The following ALK variants were observed in gnomAD, a reference collection of about 807,000 sequenced individuals.
ALK encodes ALK receptor tyrosine kinase.
In ALK, 74 loss-of-function variants were observed where a neutral mutation model predicts 163.1. That is an observed-to-expected ratio of 0.45 (90% confidence interval 0.38 to 0.55). The LOEUF is 0.55. Ranked by LOEUF, ALK falls within the 20% of genes least tolerant of loss-of-function variation. ALK has a pLI of 0.00. For synonymous variants in ALK, 960 were observed against 843.2 expected, an observed-to-expected ratio of 1.14 and a Z score of -2.40; for missense variants, 2,063 against 2,105.3, an observed-to-expected ratio of 0.98 and a Z score of 0.39.
chr2:29,251,047 C>G (rs2148197054), intron 12 of ALK, 58 bp downstream of exon 12: 1 of 1,580,736 alleles, frequency 6.3e-7, no homozygotes, highest in African/African-American at 1.3e-5. Context: ...ATAGGCAAGA[C>G]TCCAGGCTTC....
At chr2:29,867,779 T>C (rs1666474298) in intron 1 of ALK, among the ~76,000 whole-genome samples, 1 of 152,196 alleles carries the variant, frequency 6.6e-6, no homozygotes, top group South Asian at 2.1e-4. Context: ...TTCAGTTTCC[T>C]CATCTGCAAA....
intron 9 of ALK, among the ~76,000 whole-genome samples, chr2:29,293,045 G>C (rs1666080109): frequency 6.6e-6 from 1 of 152,298 alleles, no homozygotes. Flanking sequence ...TGTGACCAGA[G>C]ACAAAGAAAG....
Position 29,680,132 on chromosome 2 carries a change from A to T in ALK, c.952+14718T>A, listed in dbSNP as rs548947984. On this transcript the variant is annotated intron_variant, in intron 3 of 28. Coordinates refer to ENST00000389048, the MANE Select transcript of ALK (RefSeq NM_004304.5). ...TTAAGATCTTTGGTGGCATTTAACAATATGATGATGATATGTCTAGATGTA... is the reference window on the plus strand; with the variant it reads ...TTAAGATCTTTGGTGGCATTTAACATTATGATGATGATATGTCTAGATGTA... Among the ~76,000 whole-genome samples, 238 of 152,026 alleles carry T rather than the reference A, an allele frequency of 1.6e-3. 1 individual carries two copies. Among genetic ancestry groups the T allele is most frequent in the Non-Finnish European group, 5.0e-4 (34 of 67,880 alleles).
intron 3 of ALK, among the ~76,000 whole-genome samples, chr2:29,639,906 T>A (rs1676651236): frequency 6.6e-6 from 1 of 152,164 alleles, no homozygotes; most frequent in African/African-American, 2.4e-5. Context: ...CCACATATCC[T>A]CCCAGAGTAA....
chr2:29,472,695 C>G (rs368545873), intron 4 of ALK, among the ~76,000 whole-genome samples: 140 of 152,166 alleles, frequency 9.2e-4, no homozygotes, highest in African/African-American at 3.3e-3. Context: ...ACAGTCAATA[C>G]TGTATACAAC....
At chr2:29,239,531 G>T in intron 13 of ALK, 149 bp downstream of exon 13, 1 of 1,013,078 alleles carries the variant, frequency 9.9e-7, no homozygotes, top group Non-Finnish European at 1.5e-6. Context: ...GGTGCTGGGA[G>T]TTTGCAAAGC....
Position 29,571,602 on chromosome 2 carries a change from C to CTTTTTTTTTTTTTTTTTTTTTTTTT in ALK, c.953-39511_953-39487dup, listed in dbSNP as rs60429543. 1.9e-4 allele frequency among the ~76,000 whole-genome samples: 13 copies of CTTTTTTTTTTTTTTTTTTTTTTTTT among 68,522 alleles called. 1 individual carries two copies. The highest frequency in any genetic ancestry group is 3.8e-4 in the East Asian group (1 of 2,666). The allele number at this position is 68,522 out of a possible 152,430, so 45.0% of individuals were successfully genotyped here. On this transcript the variant is annotated intron_variant, in intron 3 of 28. Transcript: ENST00000389048. ...TAAATTACCTAGTCTTGGCTCATAT[C>CTTTTTTTTTTTTTTTTTTTTTTTTT]TTTTTTTTTTTTTTTTTTTTTTTTT...
chr2:29,241,474 G>A (rs543738721), intron 12 of ALK, among the ~76,000 whole-genome samples: 1 of 152,096 alleles, frequency 6.6e-6, no homozygotes, highest in South Asian at 2.1e-4. Context: ...AGGTGCTTAG[G>A]GCCAGGAGGG....
intron 3 of ALK, among the ~76,000 whole-genome samples, chr2:29,553,777 T>C (rs1033835860): frequency 6.6e-6 from 1 of 152,240 alleles, no homozygotes; most frequent in Non-Finnish European, 1.5e-5. Flanking sequence ...ATATTTGTTG[T>C]TTCAATTTGC....
At chr2:29,676,158 A>G in intron 3 of ALK, among the ~76,000 whole-genome samples, 1 of 151,856 alleles carries the variant, frequency 6.6e-6, no homozygotes, top group East Asian at 1.9e-4. Flanking sequence ...TTGATTTTTC[A>G]TTTTCCTAAT....
chr2:29,580,266 C>A (rs944881051), intron 3 of ALK, among the ~76,000 whole-genome samples: 2 of 152,202 alleles, frequency 1.3e-5, no homozygotes, highest in African/African-American at 4.8e-5. Context: ...CCGTGATTAC[C>A]GTGCACTACC....
intron 3 of ALK, among the ~76,000 whole-genome samples, chr2:29,660,868 T>G (rs914235453): frequency 5.3e-5 from 8 of 152,092 alleles, no homozygotes; most frequent in African/African-American, 1.9e-4. Context: ...TCCCCAATTC[T>G]ACCTTGAAGT....
At chr2:29,264,207 G>A (rs879305494) in intron 11 of ALK, among the ~76,000 whole-genome samples, 29 of 152,312 alleles carry the variant, frequency 1.9e-4, no homozygotes, top group African/African-American at 1.9e-4. Flanking sequence ...GCACTTCACC[G>A]TCAAGGCCTT....
chr2:29,567,225 C>T (rs575919816), intron 3 of ALK, among the ~76,000 whole-genome samples: 125 of 152,276 alleles, frequency 8.2e-4, no homozygotes, highest in African/African-American at 2.5e-3. Flanking sequence ...TCTTACTGGG[C>T]GTCAGCATTC....
chr2:29,636,231 T>A (rs1470555631), intron 3 of ALK, among the ~76,000 whole-genome samples: 1 of 152,062 alleles, frequency 6.6e-6, no homozygotes, highest in East Asian at 1.9e-4. Flanking sequence ...TATGCCCATA[T>A]TCTTGATAAA....
In ALK at chr2:29,318,325, C is replaced by G. The variant is rs143916398; in HGVS notation, c.1626G>C (p.Pro542=). 217 of 1,613,508 alleles carry G rather than the reference C, an allele frequency of 1.3e-4. No homozygotes were observed. Among genetic ancestry groups the G allele is most frequent in the Non-Finnish European group, 1.6e-4 (191 of 1,179,562 alleles). The change falls in exon 8 of 29, where the codon CCG becomes CCC. Residue 542 remains proline, a synonymous_variant. Coordinates refer to ENST00000389048, the MANE Select transcript of ALK (RefSeq NM_004304.5). ...TTGCCTCACATGGAGAGCTCTTGAT[C>G]GGTGCAGGAAACGTAGCACTGGTCA... ...ATVTSATFPA[P]IKSSPCELRM...
At chr2:29,737,552 C>G (rs566555809) in intron 1 of ALK, among the ~76,000 whole-genome samples, 1 of 147,426 alleles carries the variant, frequency 6.8e-6, no homozygotes, top group East Asian at 1.9e-4. Flanking sequence ...AATCTCTTGG[C>G]TATGGGCAGC....
chr2:29,219,301 A>C (rs1421324088), intron 23 of ALK, among the ~76,000 whole-genome samples: 1 of 152,174 alleles, frequency 6.6e-6, no homozygotes, highest in Non-Finnish European at 1.5e-5. Flanking sequence ...GTAAGACAGT[A>C]TTCTTCTTAG....
At chr2:29,391,082 G>T (rs915039839) in intron 4 of ALK, among the ~76,000 whole-genome samples, 1 of 152,120 alleles carries the variant, frequency 6.6e-6, no homozygotes, top group South Asian at 2.1e-4. Flanking sequence ...GGTTCCCTGG[G>T]GCTGCAGGCC....
Sources: gnomAD v4.1 joint callset for allele counts (sites outside exome capture counted in the v4.1 genomes callset) on GRCh38, gnomAD v4.1.1 for gene constraint, MANE v1.5 for transcripts, NCBI Gene and HGNC (gene_info 2026-07-23, HGNC 2026-07-21) for gene names.